Variants in ROBO2 observed in about 807,000 individuals in gnomAD.
ROBO2 encodes the protein roundabout guidance receptor 2, also known as roundabout homolog 2.
ROBO2 carries 53 observed loss-of-function variants against 160.8 expected under a neutral mutation model. That is an observed-to-expected ratio of 0.33 (90% CI 0.26 to 0.41). The LOEUF is 0.41. Among genes scored for constraint, ROBO2 ranks in the 10% least tolerant of loss-of-function variants. ROBO2 has a pLI of 1.00. For missense variants in ROBO2, 1,577 were observed against 1,722.4 expected (o/e 0.92, Z 1.49); for synonymous variants, 664 against 611.7 (o/e 1.09, Z -1.26).
At chr3:77,523,278 T>A (rs1253960277) in intron 6 of ROBO2, among the ~76,000 whole-genome samples, 3 of 151,584 alleles carry the variant, frequency 2.0e-5, no homozygotes, top group East Asian at 3.9e-4. Flanking sequence ...TGTTTACTAG[T>A]TTGTCACTTT....
chr3:77,290,281 C>T (rs2061039973), intron 2 of ROBO2, among the ~76,000 whole-genome samples: 1 of 127,282 alleles, frequency 7.9e-6, no homozygotes, highest in South Asian at 2.9e-4. Context: ...ACAGTAAAGA[C>T]ATAAAGTAAA....
intron 1 of ROBO2, among the ~76,000 whole-genome samples, chr3:77,046,705 T>C (rs1030902322): frequency 6.6e-6 from 1 of 152,224 alleles, no homozygotes; most frequent in African/African-American, 2.4e-5. Flanking sequence ...CTGGAACTCC[T>C]TAACAAGAAT....
At chr3:77,613,318 A>T (rs1224188898) in intron 21 of ROBO2, among the ~76,000 whole-genome samples, 1 of 152,132 alleles carries the variant, frequency 6.6e-6, no homozygotes, top group Non-Finnish European at 1.5e-5. Flanking sequence ...CTTAGGAAAT[A>T]ACAGACTATT....
chr3:76,803,880 A>G (rs1361131310), intron 2 of ROBO2, among the ~76,000 whole-genome samples: 1 of 152,214 alleles, frequency 6.6e-6, no homozygotes, highest in African/African-American at 2.4e-5. Context: ...TATGATTCTT[A>G]TTATTGACGA....
chr3:77,182,776 T>C (rs2080913297), intron 2 of ROBO2, among the ~76,000 whole-genome samples: 1 of 152,078 alleles, frequency 6.6e-6, no homozygotes, highest in Non-Finnish European at 1.5e-5. Flanking sequence ...GAAGAAACTT[T>C]ATACAAAGGT....
intron 2 of ROBO2, among the ~76,000 whole-genome samples, chr3:77,382,351 T>A (rs1361386099): frequency 5.2e-5 from 4 of 76,818 alleles, no homozygotes; most frequent in Admixed American, 2.0e-4. Context: ...ATGTCCTTTT[T>A]TTTTTTTTTT....
intron 2 of ROBO2, among the ~76,000 whole-genome samples, chr3:76,690,321 C>T (rs963417840): frequency 3.9e-5 from 6 of 151,976 alleles, no homozygotes; most frequent in African/African-American, 1.2e-4. Context: ...CCAATGTTAT[C>T]GTATTAAGAC....
chr3:76,999,545 C>T (rs1559824087), intron 2 of ROBO2, among the ~76,000 whole-genome samples: 1 of 152,104 alleles, frequency 6.6e-6, no homozygotes, highest in Non-Finnish European at 1.5e-5. Flanking sequence ...TTAGAAATGT[C>T]AATCATGTTT....
At chr3:76,788,128 A>T (rs2063114062) in intron 2 of ROBO2, among the ~76,000 whole-genome samples, 1 of 151,486 alleles carries the variant, frequency 6.6e-6, no homozygotes, top group Non-Finnish European at 1.5e-5. Flanking sequence ...AAATAATAAA[A>T]AAGAGAAGTA....
intron 2 of ROBO2, among the ~76,000 whole-genome samples, chr3:76,100,570 A>G (rs2069642737): frequency 6.6e-6 from 1 of 152,244 alleles, no homozygotes; most frequent in Non-Finnish European, 1.5e-5. Context: ...GTAAAAGAAG[A>G]ATAACAATAT....
At chr3:77,415,537 C>T (rs1329331052) in intron 2 of ROBO2, among the ~76,000 whole-genome samples, 1 of 152,170 alleles carries the variant, frequency 6.6e-6, no homozygotes, top group Non-Finnish European at 1.5e-5. Context: ...ATCTCTGTGG[C>T]CAGCTGTGCC....
chr3:76,996,959 T>G (rs2061048806), intron 2 of ROBO2, among the ~76,000 whole-genome samples: 2 of 152,306 alleles, frequency 1.3e-5, no homozygotes, highest in South Asian at 4.1e-4. Context: ...GATCTGCTTA[T>G]TGTCTTCTTG....
At chr3:76,782,907 TTG>T (rs2062740956) in intron 2 of ROBO2, among the ~76,000 whole-genome samples, 1 of 150,806 alleles carries the variant, frequency 6.6e-6, no homozygotes, top group Non-Finnish European at 1.5e-5. Flanking sequence ...TATTGCCATT[TTG>T]TTAGTTTTGG....
At chr3:76,058,143 G>A (rs945534869) in intron 2 of ROBO2, among the ~76,000 whole-genome samples, 4 of 151,568 alleles carry the variant, frequency 2.6e-5, no homozygotes, top group African/African-American at 7.3e-5. Flanking sequence ...TGGGACACAT[G>A]TGCAGAATGT....
chr3:76,950,669 A>G (rs78106514), intron 2 of ROBO2, among the ~76,000 whole-genome samples: 5,298 of 152,178 alleles, frequency 0.035, 307 homozygotes, highest in African/African-American at 0.12. Flanking sequence ...CTGTCTGACT[A>G]CATCCTCCCT....
chr3:76,402,423 C>T (rs1258102674), intron 2 of ROBO2, among the ~76,000 whole-genome samples: 1 of 151,440 alleles, frequency 6.6e-6, no homozygotes, highest in African/African-American at 2.4e-5. Flanking sequence ...TACTCATATG[C>T]TTATTAGGTC....
At position 77,239,638 on chromosome 3, in the gene ROBO2, G is replaced by A. The variant is rs184243115; in HGVS notation, c.388+141298G>A. Among the ~76,000 whole-genome samples the A allele has an allele frequency of 2.2e-3, 329 of 152,268 alleles. 1 individual carries two copies. Among genetic ancestry groups the A allele is most frequent in the African/African-American group, 7.3e-3 (302 of 41,550 alleles). On this transcript the variant is annotated intron_variant, in intron 2 of 25. Coordinates refer to ENST00000461745, the Ensembl canonical transcript of ROBO2. The stretch of plus-strand genomic sequence containing the variant: ...ATTTTGACAGGGTGCCGATTGGTGC[G>A]TTTACAATCCCTGAGCTAGACACAG...
chr3:77,063,215 G>T (rs1468328352), intron 1 of ROBO2, among the ~76,000 whole-genome samples: 2 of 152,144 alleles, frequency 1.3e-5, no homozygotes, highest in African/African-American at 4.8e-5. Flanking sequence ...TTTCGCCAAG[G>T]GCTATGCCCA....
chr3:75,923,174 A>T (rs1947142016), intron 1 of ROBO2, among the ~76,000 whole-genome samples: 1 of 152,212 alleles, frequency 6.6e-6, no homozygotes, highest in Non-Finnish European at 1.5e-5. Flanking sequence ...TTTTTGATGC[A>T]CATTTTTATT....
Sources: gnomAD v4.1 joint callset for allele counts (sites outside exome capture counted in the v4.1 genomes callset) on GRCh38, gnomAD v4.1.1 for gene constraint, MANE v1.5 for transcripts, NCBI Gene and HGNC (gene_info 2026-07-23, HGNC 2026-07-21) for gene names.